Variants in SPATA17 observed in about 807,000 individuals in gnomAD.
SPATA17 encodes the protein spermatogenesis-associated protein 17.
In SPATA17, 53 loss-of-function variants were observed where a neutral mutation model predicts 62.2. The observed-to-expected ratio is 0.85, with a 90% CI of 0.68 to 1.07. SPATA17 has a LOEUF of 1.07. Among genes scored for constraint, SPATA17 ranks in the 50% least tolerant of loss-of-function variants. The pLI is 0.00. For synonymous variants in SPATA17, 146 were observed against 146.8 expected (o/e 0.99, Z 0.04); for missense variants, 466 against 425.5 (o/e 1.10, Z -0.84).
intron 5 of SPATA17, among the ~76,000 whole-genome samples, chr1:217,725,484 A>C (rs1288308672): frequency 6.6e-6 from 1 of 152,184 alleles, no homozygotes; most frequent in Non-Finnish European, 1.5e-5. Flanking sequence ...ATTTTTAGAG[A>C]TAGAGTCTTG....
chr1:217,735,294 T>C (rs898536357), intron 5 of SPATA17, among the ~76,000 whole-genome samples: 1 of 152,172 alleles, frequency 6.6e-6, no homozygotes, highest in African/African-American at 2.4e-5. Context: ...TGCCAACATA[T>C]CCATCTGGTA....
intron 9 of SPATA17, among the ~76,000 whole-genome samples, chr1:217,814,705 G>T (rs1674671177): frequency 6.6e-6 from 1 of 151,932 alleles, no homozygotes; most frequent in Non-Finnish European, 1.5e-5. Flanking sequence ...AAAATTATCT[G>T]GACATGGTGG....
At chr1:217,712,157 G>A (rs1164579202) in intron 5 of SPATA17, among the ~76,000 whole-genome samples, 4 of 114,342 alleles carry the variant, frequency 3.5e-5, no homozygotes, top group Non-Finnish European at 7.4e-5. Flanking sequence ...ACGGAGTTTC[G>A]CTCTTGTTGC....
At chr1:217,712,935 C>T (rs1034504777) in intron 5 of SPATA17, among the ~76,000 whole-genome samples, 5 of 152,094 alleles carry the variant, frequency 3.3e-5, no homozygotes, top group African/African-American at 1.2e-4. Flanking sequence ...GTTCACTCCC[C>T]GAACCTTGGC....
intron 8 of SPATA17, among the ~76,000 whole-genome samples, chr1:217,795,830 A>G (rs1207535004): frequency 6.6e-6 from 1 of 151,180 alleles, no homozygotes; most frequent in Non-Finnish European, 1.5e-5. Context: ...ACAGGGTCTC[A>G]GTCTGTCACC....
rs181468432 is a variant in SPATA17 at position 217,729,922 on chromosome 1, A to G, written c.396-12053A>G. 7.5e-3 allele frequency among the ~76,000 whole-genome samples: 1,150 copies of G among 152,336 alleles called. 9 individuals carry two copies. The highest frequency in any genetic ancestry group is 0.011 in the Non-Finnish European group (726 of 68,024). ...GCTTCAGTCCCAAGAAGGAATTAAC[A>G]AAAGGAAAAAGCTCATTATGTGGGT... On this transcript the variant is annotated intron_variant, in intron 5 of 10. Coordinates refer to ENST00000366933, the MANE Select transcript of SPATA17 (RefSeq NM_138796.4).
chr1:217,659,197 C>A (rs984738011), intron 3 of SPATA17, among the ~76,000 whole-genome samples: 1 of 151,468 alleles, frequency 6.6e-6, no homozygotes, highest in Admixed American at 6.6e-5. Context: ...AACACACACA[C>A]ACACACACAC....
chr1:217,672,218 G>T (rs1389734954), intron 4 of SPATA17, among the ~76,000 whole-genome samples: 1 of 152,174 alleles, frequency 6.6e-6, no homozygotes, highest in Admixed American at 6.5e-5. Context: ...AGTAGCTGAA[G>T]TTTTATTTCT....
At chr1:217,636,366 C>G (rs1036654419) in intron 1 of SPATA17, among the ~76,000 whole-genome samples, 22 of 151,868 alleles carry the variant, frequency 1.4e-4, no homozygotes, top group African/African-American at 4.6e-4. Flanking sequence ...GAGGATTATC[C>G]AAATTCAAGG....
At chr1:217,775,816 ATAAAG>A (rs1199660074) in intron 7 of SPATA17, among the ~76,000 whole-genome samples, 2 of 152,140 alleles carry the variant, frequency 1.3e-5, no homozygotes, top group African/African-American at 4.8e-5. Context: ...AATAATAAAC[ATAAAG>A]TAATTTACAA....
intron 5 of SPATA17, among the ~76,000 whole-genome samples, chr1:217,723,288 T>C (rs1421166245): frequency 6.6e-6 from 1 of 152,160 alleles, no homozygotes; most frequent in Non-Finnish European, 1.5e-5. Flanking sequence ...CTGAAATGCA[T>C]ACCATGAATA....
intron 9 of SPATA17, among the ~76,000 whole-genome samples, chr1:217,843,825 T>C (rs1016042424): frequency 6.6e-6 from 1 of 152,152 alleles, no homozygotes; most frequent in Admixed American, 6.6e-5. Flanking sequence ...CCCTTTTCTA[T>C]AGAATAGAAC....
intron 1 of SPATA17, among the ~76,000 whole-genome samples, chr1:217,632,316 C>T (rs770059234): frequency 3.1e-4 from 47 of 152,242 alleles, no homozygotes; most frequent in Non-Finnish European, 4.6e-4. Flanking sequence ...TTCTTCATCT[C>T]CCTACAGCCA....
At chr1:217,650,806 T>C (rs1327280137) in intron 2 of SPATA17, among the ~76,000 whole-genome samples, 1 of 152,212 alleles carries the variant, frequency 6.6e-6, no homozygotes, top group Non-Finnish European at 1.5e-5. Context: ...GTGACCTGTT[T>C]TATAGTCTTA....
intron 5 of SPATA17, among the ~76,000 whole-genome samples, chr1:217,688,753 A>G (rs1671282969): frequency 1.3e-5 from 2 of 152,166 alleles, no homozygotes; most frequent in South Asian, 4.1e-4. Context: ...GAGACTCTCA[A>G]ACAAAGCTAC....
At chr1:217,729,518 T>C in intron 5 of SPATA17, among the ~76,000 whole-genome samples, 1 of 152,328 alleles carries the variant, frequency 6.6e-6, no homozygotes, top group South Asian at 2.1e-4. Context: ...CCCAAAGAGT[T>C]AAAGAAAACA....
intron 9 of SPATA17, among the ~76,000 whole-genome samples, chr1:217,834,107 TA>T (rs1675206001): frequency 6.6e-6 from 1 of 152,112 alleles, no homozygotes; most frequent in South Asian, 2.1e-4. Flanking sequence ...TAAGGAAGCT[TA>T]AACATCACGT....
At chr1:217,797,119 G>T (rs1254306551) in intron 8 of SPATA17, among the ~76,000 whole-genome samples, 1 of 152,088 alleles carries the variant, frequency 6.6e-6, no homozygotes, top group African/African-American at 2.4e-5. Context: ...CTTTCGAAAT[G>T]CTTTGCCTTA....
At chr1:217,739,190 A>T (rs958384642) in intron 5 of SPATA17, among the ~76,000 whole-genome samples, 29 of 151,888 alleles carry the variant, frequency 1.9e-4, no homozygotes, top group African/African-American at 6.0e-4. Context: ...CAGGGCAGAG[A>T]GTCTTGGAAC....
Sources: allele counts gnomAD v4.1 joint callset (sites outside exome capture counted in the v4.1 genomes callset), GRCh38; gene constraint gnomAD v4.1.1; transcripts MANE v1.5; gene names NCBI Gene and HGNC (gene_info 2026-07-23, HGNC 2026-07-21).